AFAP1: variants seen among roughly 807,000 people sequenced by gnomAD.
The protein encoded by AFAP1 is actin filament-associated protein 1.
In AFAP1, 75 loss-of-function variants were observed where a neutral mutation model predicts 93.9. That is an observed-to-expected ratio of 0.80 (90% CI 0.66 to 0.97). The LOEUF (loss-of-function observed/expected upper bound fraction) is 0.97, where lower values mean the gene tolerates loss of function less well. AFAP1 is among the 50% of genes least tolerant of loss of function. The pLI, the probability that AFAP1 is intolerant of heterozygous loss-of-function variation, is 0.00. For synonymous variants in AFAP1, 517 were observed against 430.7 expected (o/e 1.20, Z -2.48); for missense variants, 1,201 against 1,050.8 (o/e 1.14, Z -1.98).
intron 9 of AFAP1, among the ~76,000 whole-genome samples, chr4:7,808,192 G>A (rs889945040): frequency 3.3e-5 from 5 of 152,160 alleles, no homozygotes; most frequent in African/African-American, 9.7e-5. Flanking sequence ...ATAATTTCTC[G>A]AAAACGTAGC....
intron 4 of AFAP1, among the ~76,000 whole-genome samples, chr4:7,852,342 T>G (rs1577295758): frequency 6.6e-6 from 1 of 152,068 alleles, no homozygotes; most frequent in South Asian, 2.1e-4. Flanking sequence ...AATGGTTTCA[T>G]TAAACTGGAA....
chr4:7,773,063 C>T, intron 15 of AFAP1, 53 bp from the exon 16 acceptor site: 5 of 1,563,642 alleles, frequency 3.2e-6, no homozygotes. Context: ...GTTCTCCAAA[C>T]AACAGAGAAG....
intron 9 of AFAP1, among the ~76,000 whole-genome samples, chr4:7,807,821 A>G (rs1208262716): frequency 6.6e-6 from 1 of 152,192 alleles, no homozygotes; most frequent in African/African-American, 2.4e-5. Context: ...CCTTCAAGAC[A>G]GTGCACGCCA....
intron 1 of AFAP1, among the ~76,000 whole-genome samples, chr4:7,933,019 C>CAAAA (rs11369145): frequency 1.2e-4 from 6 of 51,084 alleles, no homozygotes; most frequent in African/African-American, 4.5e-4. Context: ...GACTCCCTCT[C>CAAAA]AAAAAAAAAA....
At chr4:7,860,427 T>C (rs1002853177) in intron 3 of AFAP1, among the ~76,000 whole-genome samples, 1 of 152,324 alleles carries the variant, frequency 6.6e-6, no homozygotes, top group South Asian at 2.1e-4. Context: ...ACATGTTCAT[T>C]GGACCATTTC....
Position 7,812,192 on chromosome 4 carries a change from C to T in AFAP1, c.905-2429G>A, listed in dbSNP as rs571125598. 1.7e-3 allele frequency among the ~76,000 whole-genome samples: 259 copies of T among 152,232 alleles called. 2 individuals carry two copies. The highest frequency in any genetic ancestry group is 5.9e-3 in the African/African-American group (247 of 41,522). ...GGATGTTTCACCACAGCCGCATTCC[C>T]GTGAGCTTTACAAAGAATAACCTGT... On this transcript the variant is annotated intron_variant, in intron 8 of 17. Coordinates refer to ENST00000420658, the MANE Select transcript of AFAP1 (RefSeq NM_001134647.2).
At position 7,871,967 on chromosome 4, in the gene AFAP1, T is replaced by C; in HGVS notation, c.112A>G (p.Ile38Val). 1.2e-6 allele frequency: 2 copies of C among 1,614,226 alleles called. No homozygotes were observed. Among genetic ancestry groups the C allele is most frequent in the Non-Finnish European group, 1.7e-6 (2 of 1,180,046 alleles). Residue 38 changes from isoleucine (I) to valine (V), a missense_variant, in exon 2 of 18, where the codon ATA becomes GTA. Ile to Val is a conservative substitution (Grantham distance 29). Coordinates refer to ENST00000420658, the MANE Select transcript of AFAP1 (RefSeq NM_001134647.2). ...TGAGACTCACCTTTGGATGACTGTA[T>C]TCTTAGCAGAATGTTGGTTATCACT... ...KAVITNILLR[I>V]QSSKGFDVKD...
intron 3 of AFAP1, among the ~76,000 whole-genome samples, chr4:7,868,034 A>G (rs1716615076): frequency 6.6e-6 from 1 of 152,266 alleles, no homozygotes; most frequent in Non-Finnish European, 1.5e-5. Flanking sequence ...ACAGCCAAAT[A>G]TAGAAAAAGC....
rs556493121 is a variant in AFAP1, at chr4:7,910,877, G to A, written c.-3+28779C>T. Among the ~76,000 whole-genome samples the A allele has an allele frequency of 1.4e-4, 22 of 152,296 alleles. No individual in the cohort carries two copies. In the South Asian group the frequency reaches 4.2e-3, roughly 29 times the overall value. On this transcript the variant is annotated intron_variant, in intron 1 of 17. Transcript: ENST00000420658. ...CGTATTCCCACTGCGGTGAGGGCGT[G>A]CTTGAGAGGCACCCCACGACTGGGC... is the stretch of plus-strand genomic sequence containing the variant.
At chr4:7,824,616 G>T (rs1721270605) in intron 6 of AFAP1, among the ~76,000 whole-genome samples, 2 of 152,186 alleles carry the variant, frequency 1.3e-5, no homozygotes, top group Non-Finnish European at 2.9e-5. Context: ...CTTCATTAAA[G>T]ATTTTTAATG....
intron 10 of AFAP1, among the ~76,000 whole-genome samples, chr4:7,797,041 C>G (rs761345841): frequency 2.7e-5 from 4 of 147,176 alleles, no homozygotes; most frequent in Non-Finnish European, 3.0e-5. Context: ...GCCTGGATGA[C>G]AGAGTGAGAC....
intron 16 of AFAP1, among the ~76,000 whole-genome samples, chr4:7,770,724 C>T (rs1020242039): frequency 6.6e-6 from 1 of 152,168 alleles, no homozygotes. Context: ...GACCAGAGCC[C>T]AGGAAGCCCA....
At chr4:7,830,300 G>A (rs1347318478) in intron 6 of AFAP1, among the ~76,000 whole-genome samples, 1 of 52,664 alleles carries the variant, frequency 1.9e-5, no homozygotes, top group Admixed American at 2.7e-4. Context: ...ATCTGGCAGA[G>A]TTGGTGATGC....
At chr4:7,771,605 A>G (rs1275884591) in intron 16 of AFAP1, among the ~76,000 whole-genome samples, 3 of 152,202 alleles carry the variant, frequency 2.0e-5, no homozygotes, top group East Asian at 1.9e-4. Context: ...AAGCGTCCAC[A>G]CACAGTCTAT....
At position 7,907,969 on chromosome 4, in the gene AFAP1, T is replaced by C. The variant is rs1050440205; in HGVS notation, c.-3+31687A>G. Among the ~76,000 whole-genome samples the C allele has an allele frequency of 1.3e-5, 2 of 152,266 alleles. 1 individual carries two copies. The highest frequency in any genetic ancestry group is 3.9e-4 in the East Asian group (2 of 5,182). On this transcript the variant is annotated intron_variant, in intron 1 of 17. Transcript: ENST00000420658. ...ATACACGCCTATAATCCCAGAACTCTGGAAGGCTGAGGCGGGAGGATCACC... is the reference window on the plus strand; with the variant it reads ...ATACACGCCTATAATCCCAGAACTCCGGAAGGCTGAGGCGGGAGGATCACC...
Position 7,762,886 on chromosome 4 carries a change from C to T in AFAP1, c.*879G>A, listed in dbSNP as rs1714010864. On this transcript the variant is annotated 3_prime_UTR_variant, in exon 18 of 18. Transcript: ENST00000420658. ...AGCGGCGAGGAGCCAGCCCCTGCCCCCAGAGGCTCCTGGTGTGAGAAGCAC... is the reference window on the plus strand; with the variant it reads ...AGCGGCGAGGAGCCAGCCCCTGCCCTCAGAGGCTCCTGGTGTGAGAAGCAC... 1 of 152,326 alleles carries T rather than the reference C, an allele frequency of 6.6e-6. No homozygotes were observed. Among genetic ancestry groups the T allele is most frequent in the African/African-American group, 2.4e-5 (1 of 41,458 alleles). The allele number at this position is 152,326 out of a possible 1,614,324, so 9.4% of individuals were successfully genotyped here.
intron 1 of AFAP1, among the ~76,000 whole-genome samples, chr4:7,907,236 T>C (rs6828400): frequency 0.017 from 2,525 of 152,278 alleles, 53 homozygotes; most frequent in African/African-American, 0.049. Flanking sequence ...GGAAAATTTA[T>C]AGGACCACTT....
At chr4:7,937,739 G>T (rs1295960808) in intron 1 of AFAP1, among the ~76,000 whole-genome samples, 2 of 152,082 alleles carry the variant, frequency 1.3e-5, no homozygotes, top group African/African-American at 4.8e-5. Flanking sequence ...CGCCTGCCTC[G>T]ACCTCCCAAA....
At chr4:7,784,080 C>T (rs1717035458) in intron 12 of AFAP1, among the ~76,000 whole-genome samples, 1 of 4,538 alleles carries the variant, frequency 2.2e-4, no homozygotes, top group Admixed American at 5.6e-3. Context: ...GAGAGCCTGC[C>T]ACAGGCTGGT....
Sources: gnomAD v4.1 joint callset for allele counts (sites outside exome capture counted in the v4.1 genomes callset) on GRCh38, gnomAD v4.1.1 for gene constraint, MANE v1.5 for transcripts, NCBI Gene and HGNC (gene_info 2026-07-23, HGNC 2026-07-21) for gene names.